MACROH2A2: variants seen among roughly 807,000 people sequenced by gnomAD.
MACROH2A2 encodes core histone macro-H2A.2.
A neutral mutation model predicts 37.6 loss-of-function variants in MACROH2A2; 6 were observed. That is an observed-to-expected ratio of 0.16 (90% confidence interval 0.09 to 0.32). The LOEUF is 0.32. Ranked by LOEUF, MACROH2A2 falls within the 10% of genes least tolerant of loss-of-function variation. The pLI, the probability that MACROH2A2 is intolerant of heterozygous loss-of-function variation, is 1.00. For synonymous variants in MACROH2A2, 192 were observed against 202.7 expected (o/e 0.95, Z 0.45); for missense variants, 290 against 485.9 (o/e 0.60, Z 3.79).
intron 7 of MACROH2A2, among the ~76,000 whole-genome samples, chr10:70,106,802 CAAAAAAAAAA>C (rs56986649): frequency 1.1e-4 from 7 of 65,402 alleles, no homozygotes; most frequent in African/African-American, 2.8e-4. Flanking sequence ...CATCCTGTCT[CAAAAAAAAAA>C]AAAAAAAAAA....
intron 7 of MACROH2A2, among the ~76,000 whole-genome samples, chr10:70,106,353 A>C (rs2072337490): frequency 6.6e-6 from 1 of 152,246 alleles, no homozygotes; most frequent in South Asian, 2.1e-4. Flanking sequence ...AACTCTGGAG[A>C]ACATTACAAA....
At chr10:70,080,458 G>T (rs2072169245) in intron 2 of MACROH2A2, among the ~76,000 whole-genome samples, 1 of 152,082 alleles carries the variant, frequency 6.6e-6, no homozygotes, top group Non-Finnish European at 1.5e-5. Flanking sequence ...CAAGAGGGCT[G>T]GGCAGAGTGG....
At chr10:70,105,488 C>T (rs1411601028) in intron 7 of MACROH2A2, among the ~76,000 whole-genome samples, 1 of 152,098 alleles carries the variant, frequency 6.6e-6, no homozygotes, top group Non-Finnish European at 1.5e-5. Context: ...GGGGACTGAG[C>T]CCACTGGCTG....
In MACROH2A2 at chr10:70,053,695, G is replaced by A. The variant is rs1232385386; in HGVS notation, c.-60+695G>A. 6.6e-6 allele frequency among the ~76,000 whole-genome samples: 1 copy of A among 151,424 alleles called. No homozygotes were observed. Among genetic ancestry groups the A allele is most frequent in the East Asian group, 1.9e-4 (1 of 5,164 alleles). ...CCCCGGGGCCGGCGCGGAAGAGGGC[G>A]CGAGGCCGGGCACTCCCCTTCGGTT... On this transcript the variant is annotated intron_variant, in intron 1 of 8. Transcript: ENST00000373255. This position sits in a 1 kb window ranked among gnomAD's most constrained non-coding sequence, Gnocchi z 4.8.
At chr10:70,073,466 T>C (rs1258468767) in intron 1 of MACROH2A2, among the ~76,000 whole-genome samples, 1 of 152,182 alleles carries the variant, frequency 6.6e-6, no homozygotes, top group Non-Finnish European at 1.5e-5. Flanking sequence ...GAGATAATAG[T>C]CTAAGGCACT....
intron 2 of MACROH2A2, among the ~76,000 whole-genome samples, chr10:70,086,698 TGC>T (rs1293259582): frequency 6.6e-6 from 1 of 152,164 alleles, no homozygotes; most frequent in African/African-American, 2.4e-5. Context: ...TGATCCAGGA[TGC>T]TAAATTCAAT....
rs535847449 is a variant in MACROH2A2, at chr10:70,073,847, T to A, written c.-59-1753T>A. On this transcript the variant is annotated intron_variant, in intron 1 of 8. Transcript: ENST00000373255. ...TCTTCTGTCATATTTAGGGACTTTC[T>A]TGGGCCCTCCTTTCCTTTGCCATCT... Among the ~76,000 whole-genome samples, 69 of 152,316 alleles carry A rather than the reference T, an allele frequency of 4.5e-4. 1 individual carries two copies. In the South Asian group the frequency reaches 0.014, roughly 31 times the overall value.
At chr10:70,070,176 A>G (rs1162182668) in intron 1 of MACROH2A2, among the ~76,000 whole-genome samples, 1 of 152,062 alleles carries the variant, frequency 6.6e-6, no homozygotes, top group African/African-American at 2.4e-5. Flanking sequence ...TAAATTCCGC[A>G]CAAGACCTGA....
intron 7 of MACROH2A2, among the ~76,000 whole-genome samples, chr10:70,105,718 A>G (rs2072333653): frequency 6.6e-6 from 1 of 151,690 alleles, no homozygotes; most frequent in African/African-American, 2.4e-5. Context: ...GACCATCAAG[A>G]AAGCTGTATT....
Position 70,075,559 on chromosome 10 carries a change from G to T in MACROH2A2, c.-59-41G>T. 1 of 1,198,938 alleles carries T rather than the reference G, an allele frequency of 8.3e-7. No individual in the cohort carries two copies. The highest frequency in any genetic ancestry group is 1.4e-5 in the South Asian group (1 of 73,032). 74.3% of individuals were successfully genotyped at this position (1,198,938 alleles called of 1,614,324 possible). On this transcript the variant is annotated intron_variant, in intron 1 of 8. Coordinates refer to ENST00000373255, the MANE Select transcript of MACROH2A2 (RefSeq NM_018649.3). The surrounding 1 kb of genome is among the most constrained non-coding windows in gnomAD (Gnocchi z 5.0). ...CCATGCCACTGTGCCCAAGATGTTT[G>T]CCAACTACCCTTCCTCAACTCTGTC...
chr10:70,102,532 C>G (rs753979483), intron 7 of MACROH2A2, among the ~76,000 whole-genome samples: 3 of 152,132 alleles, frequency 2.0e-5, no homozygotes, highest in Non-Finnish European at 4.4e-5. Context: ...GTTTGACCAA[C>G]ATGGTGAAAC....
chr10:70,066,403 A>C (rs994178521), intron 1 of MACROH2A2, among the ~76,000 whole-genome samples: 1 of 152,198 alleles, frequency 6.6e-6, no homozygotes, highest in Non-Finnish European at 1.5e-5. Context: ...CCAACAAAAC[A>C]AGGGAGAAAA....
chr10:70,099,842 G>C (rs1379318993), intron 6 of MACROH2A2, among the ~76,000 whole-genome samples: 1 of 152,232 alleles, frequency 6.6e-6, no homozygotes, highest in Non-Finnish European at 1.5e-5. Context: ...TGATGGCACT[G>C]TGATGGGACC....
chr10:70,063,642 T>C (rs939648083), intron 1 of MACROH2A2, among the ~76,000 whole-genome samples: 1 of 152,234 alleles, frequency 6.6e-6, no homozygotes, highest in African/African-American at 2.4e-5. Context: ...TTTGTTAAAA[T>C]GTTAAAGTCA....
intron 7 of MACROH2A2, among the ~76,000 whole-genome samples, chr10:70,101,077 A>G (rs2072304033): frequency 6.6e-6 from 1 of 152,196 alleles, no homozygotes; most frequent in Admixed American, 6.5e-5. Context: ...GACAAAGTCC[A>G]GCGGAGTCAA....
At chr10:70,093,620 C>T (rs2072259081) in intron 4 of MACROH2A2, 115 bp from the exon 5 acceptor site, 1 of 634,760 alleles carries the variant, frequency 1.6e-6, no homozygotes, top group African/African-American at 1.8e-5. Context: ...GAACACATCA[C>T]CTAACCACTT....
At chr10:70,095,255 C>G (rs1279775375) in intron 5 of MACROH2A2, among the ~76,000 whole-genome samples, 1 of 151,906 alleles carries the variant, frequency 6.6e-6, no homozygotes, top group Non-Finnish European at 1.5e-5. Flanking sequence ...GTAGTCCCAG[C>G]TACTCAGGAG....
rs764579018 is a variant in MACROH2A2, at chr10:70,093,831, G to A, written c.574G>A (p.Val192Ile). ...CACCATTCTGTCTTCTAAGAGCCTT[G>A]TTCTGGGACAGAAGGTAACAAAGAG... is the stretch of plus-strand genomic sequence containing the variant. ...GFTILSSKSL[V>I]LGQKLSLTQS... The change falls in exon 5 of 9, where the codon GTT (valine) becomes ATT (isoleucine). Residue 192 changes from valine (V) to isoleucine (I), a missense_variant. This residue lies in a region of MACROH2A2 where 130 missense variants were observed against 257.1 expected (regional missense o/e 0.51). Transcript: ENST00000373255. The A allele has an allele frequency of 1.3e-6, 2 of 1,582,020 alleles. No individual in the cohort carries two copies. Among genetic ancestry groups the A allele is most frequent in the East Asian group, 4.5e-5 (2 of 44,714 alleles).
chr10:70,109,839 G>A (rs977347144), intron 8 of MACROH2A2, among the ~76,000 whole-genome samples: 2 of 152,184 alleles, frequency 1.3e-5, no homozygotes, highest in African/African-American at 4.8e-5. Context: ...GATCCCAGCT[G>A]GGCATTGTTT....
Sources: gnomAD v4.1 joint callset for allele counts (sites outside exome capture counted in the v4.1 genomes callset) on GRCh38, gnomAD v4.1.1 for gene constraint, gnomAD v4.1.1 regional missense constraint, Gnocchi (gnomAD v3.1) non-coding constraint, MANE v1.5 for transcripts, NCBI Gene and HGNC (gene_info 2026-07-23, HGNC 2026-07-21) for gene names.